MROH1: variants seen among roughly 807,000 people sequenced by gnomAD.
MROH1 encodes maestro heat-like repeat-containing protein family member 1.
A neutral mutation model predicts 116.5 loss-of-function variants in MROH1; 117 were observed. That is an observed-to-expected ratio of 1.00 (90% CI 0.86 to 1.17). MROH1 has a LOEUF of 1.17. Among genes scored for constraint, MROH1 ranks in the 50% most tolerant of loss-of-function variants. The pLI is 0.00. For missense variants in MROH1, 1,873 were observed against 1,338.5 expected (o/e 1.40, Z -6.23); for synonymous variants, 921 against 583.9 (o/e 1.58, Z -8.32).
intron 1 of MROH1, among the ~76,000 whole-genome samples, chr8:144,159,781 T>TA (rs1278208112): frequency 2.0e-5 from 3 of 150,380 alleles, no homozygotes; most frequent in Non-Finnish European, 3.0e-5. Context: ...TTTTTTTTTT[T>TA]TTTTGAGACG....
In MROH1 at chr8:144,180,317, T is replaced by C. The variant is rs750373680; in HGVS notation, c.440T>C (p.Leu147Pro). The change falls in exon 6 of 44, where the codon CTC becomes CCC. Residue 147 changes from leucine to proline, a missense_variant. By Grantham distance (98) the Leu-to-Pro change is moderately conservative (BLOSUM62 -3). Coordinates refer to ENST00000326134, the MANE Select transcript of MROH1 (RefSeq NM_032450.3). The surrounding 1 kb of genome is among the most constrained non-coding windows in gnomAD (Gnocchi z 7.4). ...CCACACTGCGCCGTGCTGCACACCCTCGCCAGCCTCTCGGTGGCCAACGGT... is the reference window on the plus strand; with the variant it reads ...CCACACTGCGCCGTGCTGCACACCCCCGCCAGCCTCTCGGTGGCCAACGGT... ...TLPHCAVLHTLASLSVANAFG... is the reference protein window; with the variant it reads ...TLPHCAVLHTPASLSVANAFG... 8.1e-6 allele frequency: 13 copies of C among 1,605,690 alleles called. No homozygotes were observed. The highest frequency in any genetic ancestry group is 1.0e-5 in the Non-Finnish European group (12 of 1,179,202).
At chr8:144,249,702 GCC>G (rs34695721) in intron 32 of MROH1, among the ~76,000 whole-genome samples, 9 of 151,850 alleles carry the variant, frequency 5.9e-5, no homozygotes, top group African/African-American at 1.9e-4. Context: ...CAAACTCACA[GCC>G]CCCCCCAAGT....
intron 8 of MROH1, among the ~76,000 whole-genome samples, chr8:144,191,487 G>A (rs1828577580): frequency 6.6e-6 from 1 of 152,176 alleles, no homozygotes; most frequent in South Asian, 2.1e-4. Context: ...CAGTGCTGCT[G>A]GCGGGGCACT....
At position 144,255,101 on chromosome 8, in the gene MROH1, C is replaced by T. The variant is rs918027639; in HGVS notation, c.3594+123C>T. ...CCCCACAGGCACCTGGAGGCAGCAC[C>T]GGGCTGGGAGCTCTGAGCTCAGGCT... On this transcript the variant is annotated intron_variant, in intron 34 of 43. Transcript: ENST00000326134. 615 of 615,258 alleles carry T rather than the reference C, an allele frequency of 1.0e-3. 7 individuals carry two copies. Among genetic ancestry groups the T allele is most frequent in the South Asian group, 5.6e-3 (302 of 53,716 alleles). The allele number at this position is 615,258 out of a possible 1,614,324, so 38.1% of individuals were successfully genotyped here.
intron 32 of MROH1, 114 bp downstream of exon 32, chr8:144,249,143 A>T: frequency 1.5e-6 from 1 of 681,468 alleles, no homozygotes; most frequent in Non-Finnish European, 2.7e-6. Flanking sequence ...CTGCGGGAGA[A>T]AACAGTGAGG....
At chr8:144,191,993 G>T in intron 9 of MROH1, 138 bp downstream of exon 9, 1 of 1,037,980 alleles carries the variant, frequency 9.6e-7, no homozygotes, top group Non-Finnish European at 1.4e-6. Flanking sequence ...TCAGTGGTGG[G>T]CTGTGAAGGA....
intron 36 of MROH1, 48 bp downstream of exon 36, chr8:144,258,962 C>T (rs935823176): frequency 1.3e-5 from 9 of 686,922 alleles, no homozygotes; most frequent in Non-Finnish European, 1.9e-5. Context: ...TGGGCTCCAC[C>T]GGATCTCGAG....
At chr8:144,215,906 GC>G (rs1835145492) in intron 12 of MROH1, among the ~76,000 whole-genome samples, 1 of 150,788 alleles carries the variant, frequency 6.6e-6, no homozygotes, top group Admixed American at 6.6e-5. Context: ...TGAAACACGG[GC>G]TGGGTGCGGT....
chr8:144,251,541 T>G (rs1842845968), intron 33 of MROH1: 1 of 152,260 alleles, frequency 6.6e-6, no homozygotes, highest in Non-Finnish European at 1.5e-5. Flanking sequence ...TGGCTGCATG[T>G]GTCCTCACTG....
At chr8:144,250,487 G>C in intron 33 of MROH1, 121 bp downstream of exon 33, 1 of 699,548 alleles carries the variant, frequency 1.4e-6, no homozygotes, top group Non-Finnish European at 2.6e-6. Context: ...TCCCATGGCT[G>C]TAGGCCACGT....
chr8:144,204,940 G>A (rs1318481162), intron 12 of MROH1, among the ~76,000 whole-genome samples: 1 of 152,168 alleles, frequency 6.6e-6, no homozygotes, highest in Non-Finnish European at 1.5e-5. Flanking sequence ...AAACCCTTCT[G>A]TTTTTCCAAA....
At chr8:144,211,314 A>C (rs1834043998) in intron 12 of MROH1, among the ~76,000 whole-genome samples, 1 of 152,192 alleles carries the variant, frequency 6.6e-6, no homozygotes, top group South Asian at 2.1e-4. Context: ...TAATTAATTA[A>C]TTGGTGGGAG....
At chr8:144,204,894 G>A (rs1832488855) in intron 12 of MROH1, among the ~76,000 whole-genome samples, 1 of 152,054 alleles carries the variant, frequency 6.6e-6, no homozygotes, top group African/African-American at 2.4e-5. Flanking sequence ...TAGAATTTTG[G>A]GTTATAAAGT....
At chr8:144,229,799 T>C (rs2132586707) in intron 14 of MROH1, among the ~76,000 whole-genome samples, 1 of 152,310 alleles carries the variant, frequency 6.6e-6, no homozygotes, top group Non-Finnish European at 1.5e-5. Flanking sequence ...TTTGGGAAGC[T>C]GAGGCCAGCG....
At chr8:144,153,953 G>A (rs1817447860) in intron 1 of MROH1, among the ~76,000 whole-genome samples, 1 of 152,112 alleles carries the variant, frequency 6.6e-6, no homozygotes, top group East Asian at 1.9e-4. Flanking sequence ...GTAGAGATGG[G>A]GTTTCACCGT....
At chr8:144,214,827 A>C (rs1380319967) in intron 12 of MROH1, among the ~76,000 whole-genome samples, 2 of 152,078 alleles carry the variant, frequency 1.3e-5, no homozygotes, top group African/African-American at 4.8e-5. Context: ...TATGAAGGGG[A>C]ATTTCACGAT....
At chr8:144,259,876 C>T (rs991585935) in intron 37 of MROH1, 35 bp from the exon 38 acceptor site, 54 of 721,924 alleles carry the variant, frequency 7.5e-5, no homozygotes, top group South Asian at 6.5e-4. Flanking sequence ...CTGGGGTCAG[C>T]GGGGAGAGGG....
intron 32 of MROH1, among the ~76,000 whole-genome samples, chr8:144,249,814 G>A (rs1311713153): frequency 5.9e-5 from 9 of 152,326 alleles, no homozygotes; most frequent in Non-Finnish European, 8.8e-5. Flanking sequence ...CAGGAGTGCC[G>A]TTGGCAGCTG....
chr8:144,259,445 C>T (rs930116922), intron 37 of MROH1, 91 bp downstream of exon 37: 21 of 706,102 alleles, frequency 3.0e-5, no homozygotes, highest in African/African-American at 7.0e-5. Flanking sequence ...CCTAAAAGGC[C>T]CCCTCGACCG....
Sources: gnomAD v4.1 joint callset for allele counts (sites outside exome capture counted in the v4.1 genomes callset) on GRCh38, gnomAD v4.1.1 for gene constraint, Gnocchi (gnomAD v3.1) non-coding constraint, MANE v1.5 for transcripts, NCBI Gene and HGNC (gene_info 2026-07-23, HGNC 2026-07-21) for gene names.